Variants in NRXN1 observed in about 807,000 individuals in gnomAD.
The protein encoded by NRXN1 is neurexin-1.
Under a neutral mutation model 150.9 loss-of-function variants are expected in NRXN1, and 39 were observed. That is an observed-to-expected ratio of 0.26 (90% CI 0.20 to 0.34). The LOEUF is 0.34. Among genes scored for constraint, NRXN1 ranks in the 10% least tolerant of loss-of-function variants. NRXN1 has a pLI of 1.00. For missense variants in NRXN1, 1,815 were observed against 1,949.9 expected, an observed-to-expected ratio of 0.93 and a Z score of 1.30; for synonymous variants, 924 against 757.0, an observed-to-expected ratio of 1.22 and a Z score of -3.62.
intron 17 of NRXN1, among the ~76,000 whole-genome samples, chr2:50,376,539 G>A (rs569435079): frequency 1.3e-5 from 2 of 152,228 alleles, no homozygotes; most frequent in Non-Finnish European, 2.9e-5. Flanking sequence ...TGATATTGGA[G>A]TCAAAACATG....
Position 50,098,168 on chromosome 2 carries a change from T to A in NRXN1, c.3547-6674A>T, listed in dbSNP as rs17039818. Reference sequence around the variant, plus strand: ...TATTTTCTCCATTAAATAGCGTCTGTTTAAAATTCATTCAGGTAACTAATA... The same window carrying A: ...TATTTTCTCCATTAAATAGCGTCTGATTAAAATTCATTCAGGTAACTAATA... On this transcript the variant is annotated intron_variant, in intron 18 of 22. Transcript: ENST00000401669. 6.1e-3 allele frequency among the ~76,000 whole-genome samples: 934 copies of A among 152,244 alleles called. 21 individuals carry two copies. The East Asian group carries it at 0.063, about 10-fold the overall frequency.
chr2:50,340,939 T>G (rs1002088803), intron 17 of NRXN1, among the ~76,000 whole-genome samples: 9 of 152,126 alleles, frequency 5.9e-5, no homozygotes, highest in African/African-American at 2.2e-4. Context: ...TGAACCAAGT[T>G]TGGTTGCTCT....
At chr2:50,683,258 G>T (rs1393424715) in intron 5 of NRXN1, among the ~76,000 whole-genome samples, 2 of 151,886 alleles carry the variant, frequency 1.3e-5, no homozygotes, top group Admixed American at 6.6e-5. Context: ...TGTTGCTCTC[G>T]CATGGAAGTG....
intron 17 of NRXN1, among the ~76,000 whole-genome samples, chr2:50,462,214 T>G (rs902030769): frequency 6.6e-6 from 1 of 151,986 alleles, no homozygotes; most frequent in East Asian, 1.9e-4. Context: ...CAGAGAAGAA[T>G]GTTATTCCTA....
At chr2:50,896,146 G>A (rs1396459605) in intron 5 of NRXN1, among the ~76,000 whole-genome samples, 1 of 152,078 alleles carries the variant, frequency 6.6e-6, no homozygotes. Flanking sequence ...ACTGAGTCCT[G>A]TTAGAGAATT....
intron 5 of NRXN1, among the ~76,000 whole-genome samples, chr2:50,790,639 G>C (rs1705808220): frequency 6.6e-6 from 1 of 152,152 alleles, no homozygotes; most frequent in Non-Finnish European, 1.5e-5. Flanking sequence ...CAAAACCATA[G>C]TGTAAAATGC....
chr2:50,908,383 ACAAC>A (rs988711436), intron 5 of NRXN1, among the ~76,000 whole-genome samples: 28 of 151,058 alleles, frequency 1.9e-4, no homozygotes, highest in Middle Eastern at 3.2e-3. Flanking sequence ...ACACACACAC[ACAAC>A]CACACCCCTA....
intron 8 of NRXN1, among the ~76,000 whole-genome samples, chr2:50,563,835 C>G (rs1224870701): frequency 6.6e-6 from 1 of 152,186 alleles, no homozygotes; most frequent in African/African-American, 2.4e-5. Flanking sequence ...GGTGGATTAT[C>G]CAAACTGCAT....
At chr2:50,610,789 C>G (rs1677986626) in intron 8 of NRXN1, among the ~76,000 whole-genome samples, 1 of 145,738 alleles carries the variant, frequency 6.9e-6, no homozygotes, top group African/African-American at 2.5e-5. Flanking sequence ...TATACACACA[C>G]ACATACATTT....
intron 17 of NRXN1, among the ~76,000 whole-genome samples, chr2:50,372,730 T>G (rs902730557): frequency 9.9e-5 from 15 of 152,274 alleles, no homozygotes; most frequent in African/African-American, 3.4e-4. Context: ...ACTTTAGTGA[T>G]GTAGCAACAA....
At position 50,472,336 on chromosome 2, in the gene NRXN1, G is replaced by A. The variant is rs1377613763; in HGVS notation, c.3206C>T (p.Ala1069Val). 1.2e-6 allele frequency: 2 copies of A among 1,611,214 alleles called. No individual in the cohort carries two copies. The highest frequency in any genetic ancestry group is 2.2e-5 in the East Asian group (1 of 44,812). ...NGRLPDLISD[A>V]LFCNGQIERG... ...CTCGATCTGTCCGTTGCAGAAAAGA[G>A]CATCGGAGATGAGGTCCGGAAGCCG... The change falls in exon 16 of 23, where the codon GCT (alanine) becomes GTT (valine). Residue 1069 changes from alanine to valine, a missense_variant. This residue lies in a region of NRXN1 where 339 missense variants were observed against 440.3 expected (regional missense o/e 0.77). Transcript: ENST00000401669.
At chr2:50,011,234 C>G (rs1163897688) in intron 21 of NRXN1, among the ~76,000 whole-genome samples, 1 of 152,116 alleles carries the variant, frequency 6.6e-6, no homozygotes, top group African/African-American at 2.4e-5. Flanking sequence ...CATAGAAAGT[C>G]CTCATTAAAT....
chr2:50,176,079 C>T (rs2060336922), intron 18 of NRXN1, among the ~76,000 whole-genome samples: 1 of 152,060 alleles, frequency 6.6e-6, no homozygotes, highest in Non-Finnish European at 1.5e-5. Context: ...GATGGAAAAG[C>T]TATGACTTCT....
At chr2:50,978,331 T>G (rs1696250559) in intron 2 of NRXN1, among the ~76,000 whole-genome samples, 1 of 134,380 alleles carries the variant, frequency 7.4e-6, no homozygotes, top group Non-Finnish European at 1.6e-5. Flanking sequence ...TAGATAGATT[T>G]GTTTTTAAAT....
chr2:50,792,531 C>A (rs1355966786), intron 5 of NRXN1, among the ~76,000 whole-genome samples: 1 of 151,904 alleles, frequency 6.6e-6, no homozygotes, highest in African/African-American at 2.4e-5. Flanking sequence ...GCATTTGTAT[C>A]CTCTGTAATA....
At chr2:50,915,421 A>G (rs1226844612) in intron 5 of NRXN1, among the ~76,000 whole-genome samples, 1 of 151,666 alleles carries the variant, frequency 6.6e-6, no homozygotes, top group Non-Finnish European at 1.5e-5. Context: ...TCTGAAAACC[A>G]GCATTTTACC....
At chr2:50,713,431 C>T (rs1000240250) in intron 5 of NRXN1, among the ~76,000 whole-genome samples, 2 of 151,998 alleles carry the variant, frequency 1.3e-5, no homozygotes, top group Non-Finnish European at 2.9e-5. Flanking sequence ...TTAACGATAA[C>T]ATTTTACGAA....
chr2:50,529,769 G>A (rs972831122), intron 11 of NRXN1, among the ~76,000 whole-genome samples: 2 of 152,114 alleles, frequency 1.3e-5, no homozygotes, highest in East Asian at 1.9e-4. Flanking sequence ...GCAATTAGGC[G>A]ATTTGTTTTG....
intron 18 of NRXN1, among the ~76,000 whole-genome samples, chr2:50,160,518 G>A (rs1002577464): frequency 6.6e-6 from 1 of 151,772 alleles, no homozygotes; most frequent in Admixed American, 6.6e-5. Context: ...TCCAGTCTGG[G>A]CAACAAGAGC....
Sources: gnomAD v4.1 joint callset for allele counts (sites outside exome capture counted in the v4.1 genomes callset) on GRCh38, gnomAD v4.1.1 for gene constraint, gnomAD v4.1.1 regional missense constraint, MANE v1.5 for transcripts, NCBI Gene and HGNC (gene_info 2026-07-23, HGNC 2026-07-21) for gene names.